The following POLR3C variants were observed in gnomAD, a reference collection of about 807,000 sequenced individuals.
POLR3C encodes the protein RNA polymerase III subunit C.
A neutral mutation model predicts 65.9 loss-of-function variants in POLR3C; 44 were observed. The observed-to-expected ratio is 0.67, with a 90% CI of 0.52 to 0.86. The LOEUF (loss-of-function observed/expected upper bound fraction) is 0.86. Ranked by LOEUF, POLR3C falls within the 40% of genes least tolerant of loss-of-function variation. The pLI is 0.00. For synonymous variants in POLR3C, 263 were observed against 231.6 expected (o/e 1.14, Z -1.23); for missense variants, 576 against 653.2 (o/e 0.88, Z 1.29).
chr1:145,833,397 AG>A, intron 6 of POLR3C, 33 bp downstream of exon 6: 1 of 1,534,714 alleles, frequency 6.5e-7, no homozygotes, highest in Non-Finnish European at 9.0e-7. Context: ...ATTGGTCATC[AG>A]GGACATTTAC....
In POLR3C at chr1:145,833,849, G is replaced by C. The variant is rs587638246; in HGVS notation, c.876+267G>C. 5.3e-5 allele frequency among the ~76,000 whole-genome samples: 8 copies of C among 152,248 alleles called. No homozygotes were observed. In the South Asian group the frequency reaches 1.5e-3, roughly 28 times the overall value. On this transcript the variant is annotated intron_variant, in intron 7 of 14. Coordinates refer to ENST00000334163, the MANE Select transcript of POLR3C (RefSeq NM_006468.8). Reference sequence around the variant, plus strand: ...TAATTATTTTAAGAATCCACAATTTGGACTCTGAGAGCCTTGGCATTCAGG... The same window carrying C: ...TAATTATTTTAAGAATCCACAATTTCGACTCTGAGAGCCTTGGCATTCAGG...
Position 145,824,275 on chromosome 1 carries a change from A to G in POLR3C, c.-115A>G, listed in dbSNP as rs1650506065. The G allele has an allele frequency of 1.4e-5, 4 of 290,458 alleles. No homozygotes were observed. The highest frequency in any genetic ancestry group is 1.1e-4 in the South Asian group (4 of 35,600). The allele number at this position is 290,458 out of a possible 1,614,324, so 18.0% of individuals were successfully genotyped here. A position where few individuals can be genotyped will look rare whatever the true frequency, so the allele number is the denominator to read the frequency against. Reference sequence around the variant, plus strand: ...CGTCCTAGAAAGGGCGGTGGGCTCCACCTCGGCCTAGAAGGCCAGCGGGAG... The same window carrying G: ...CGTCCTAGAAAGGGCGGTGGGCTCCGCCTCGGCCTAGAAGGCCAGCGGGAG... On this transcript the variant is annotated 5_prime_UTR_variant, in exon 1 of 15. Coordinates refer to ENST00000334163, the MANE Select transcript of POLR3C (RefSeq NM_006468.8).
At position 145,838,162 on chromosome 1, in the gene POLR3C, G is replaced by A. The variant is rs1159983959; in HGVS notation, c.1177G>A (p.Asp393Asn). 2 of 1,613,844 alleles carry A rather than the reference G, an allele frequency of 1.2e-6. No individual in the cohort carries two copies. The highest frequency in any genetic ancestry group is 1.7e-6 in the Non-Finnish European group (2 of 1,179,820). The part of the protein sequence containing the change: ...FAMIPAKEAK[D>N]MLYKMLSENF... ...AATGATTCCTGCAAAGGAGGCAAAGGATATGCTATATAAGATGCTCTCAGA... is the reference window on the plus strand; with the variant it reads ...AATGATTCCTGCAAAGGAGGCAAAGAATATGCTATATAAGATGCTCTCAGA... Residue 393 changes from aspartate (D) to asparagine (N), a missense_variant, in exon 11 of 15, where the codon GAT (aspartate) becomes AAT (asparagine). Asp to Asn is a conservative substitution (Grantham distance 23, BLOSUM62 1). Coordinates refer to ENST00000334163, the MANE Select transcript of POLR3C (RefSeq NM_006468.8).
chr1:145,836,990 T>TTAAA, intron 9 of POLR3C, 124 bp downstream of exon 9: 1 of 558,672 alleles, frequency 1.8e-6, no homozygotes, highest in South Asian at 2.6e-5. Flanking sequence ...GAAGTAATTG[T>TTAAA]TAAATAAATT....
Position 145,826,721 on chromosome 1 carries a change from A to G in POLR3C, c.403+12A>G. On this transcript the variant is annotated intron_variant, in intron 3 of 14. Coordinates refer to ENST00000334163, the MANE Select transcript of POLR3C (RefSeq NM_006468.8). The stretch of plus-strand genomic sequence containing the variant: ...AGAGACCATGGAGGGTCAGTATGGT[A>G]TCCATAGCTGTTAACAAAAGCATAG... 6.2e-7 allele frequency: 1 copy of G among 1,613,942 alleles called. No homozygotes were observed. The highest frequency in any genetic ancestry group is 8.5e-7 in the Non-Finnish European group (1 of 1,179,816).
intron 7 of POLR3C, 129 bp from the exon 8 acceptor site, chr1:145,836,365 C>G: frequency 1.5e-6 from 1 of 664,100 alleles, no homozygotes; most frequent in East Asian, 2.6e-5. Context: ...AGTGATCCAC[C>G]TGCCTCAGCC....
intron 7 of POLR3C, among the ~76,000 whole-genome samples, chr1:145,835,974 CTG>C (rs751984836): frequency 1.3e-5 from 2 of 152,118 alleles, no homozygotes; most frequent in Non-Finnish European, 2.9e-5. Flanking sequence ...TTCATAATGA[CTG>C]TATCATATTC....
At chr1:145,832,170 TAAC>T (rs1353176787) in intron 5 of POLR3C, among the ~76,000 whole-genome samples, 1 of 152,220 alleles carries the variant, frequency 6.6e-6, no homozygotes, top group Non-Finnish European at 1.5e-5. Flanking sequence ...TATTTGAACT[TAAC>T]AACATAGAAT....
intron 5 of POLR3C, 66 bp from the exon 6 acceptor site, chr1:145,833,194 A>T: frequency 3.4e-6 from 3 of 890,340 alleles, no homozygotes; most frequent in Non-Finnish European, 5.4e-6. Flanking sequence ...GTGAACCATT[A>T]AATCCAAGCT....
At chr1:145,827,417 G>C (rs773896733) in intron 4 of POLR3C, among the ~76,000 whole-genome samples, 3 of 152,160 alleles carry the variant, frequency 2.0e-5, no homozygotes, top group Non-Finnish European at 4.4e-5. Flanking sequence ...AGGAGTTCGA[G>C]ACCAGCCTGG....
At chr1:145,829,800 C>T (rs1370018277) in intron 5 of POLR3C, among the ~76,000 whole-genome samples, 1 of 152,188 alleles carries the variant, frequency 6.6e-6, no homozygotes, top group African/African-American at 2.4e-5. Context: ...CCCAGATCTT[C>T]ATGTAGTGGT....
chr1:145,840,761 G>C (rs180891812), intron 13 of POLR3C, among the ~76,000 whole-genome samples, 161 bp from the exon 14 acceptor site: 68 of 152,300 alleles, frequency 4.5e-4, no homozygotes, highest in African/African-American at 1.6e-3. Context: ...CAGGAGTGAA[G>C]TTATATTTCC....
At chr1:145,838,031 A>G (rs924091568) in intron 10 of POLR3C, 25 bp from the exon 11 acceptor site, 18 of 1,612,046 alleles carry the variant, frequency 1.1e-5, no homozygotes, top group East Asian at 2.2e-5. Flanking sequence ...TTAGCATGCC[A>G]TTTGCTTTCT....
chr1:145,839,709 T>C (rs1652140137), intron 11 of POLR3C, 181 bp from the exon 12 acceptor site: 3 of 553,154 alleles, frequency 5.4e-6, no homozygotes, highest in Non-Finnish European at 9.6e-6. Context: ...CCATCCTAGG[T>C]AACAGAGCAA....
At chr1:145,840,077 GA>G in intron 12 of POLR3C, 38 bp from the exon 13 acceptor site, 1 of 1,567,890 alleles carries the variant, frequency 6.4e-7, no homozygotes, top group Non-Finnish European at 8.8e-7. Context: ...TGCTGAAATA[GA>G]ACTATGTGCA....
chr1:145,831,914 A>G (rs1651358483), intron 5 of POLR3C, among the ~76,000 whole-genome samples: 1 of 151,986 alleles, frequency 6.6e-6, no homozygotes, highest in Non-Finnish European at 1.5e-5. Flanking sequence ...GGTGGCACGC[A>G]CCTGTGGTCC....
intron 5 of POLR3C, among the ~76,000 whole-genome samples, chr1:145,830,324 C>T (rs74538938): frequency 2.0e-5 from 3 of 151,014 alleles, no homozygotes; most frequent in Non-Finnish European, 4.4e-5. Flanking sequence ...AAAAAAAACC[C>T]AGTTAGGAGG....
chr1:145,837,124 A>G (rs1265333985), intron 9 of POLR3C, among the ~76,000 whole-genome samples: 1 of 152,152 alleles, frequency 6.6e-6, no homozygotes, highest in Non-Finnish European at 1.5e-5. Context: ...GCTAAGCAAC[A>G]TGGCAAAACC....
chr1:145,831,384 G>A (rs1651305654), intron 5 of POLR3C, among the ~76,000 whole-genome samples: 1 of 151,828 alleles, frequency 6.6e-6, no homozygotes. Flanking sequence ...GCATGGTGGC[G>A]CAGGCCTGTA....
Sources: allele counts gnomAD v4.1 joint callset (sites outside exome capture counted in the v4.1 genomes callset), GRCh38; gene constraint gnomAD v4.1.1; transcripts MANE v1.5; gene names NCBI Gene and HGNC (gene_info 2026-07-23, HGNC 2026-07-21).